The following PCOLCE2 variants were observed in gnomAD, a reference collection of about 807,000 sequenced individuals.
PCOLCE2 encodes the protein procollagen C-proteinase enhancer 2.
A neutral mutation model predicts 47.0 loss-of-function variants in PCOLCE2; 42 were observed. The observed-to-expected ratio is 0.89, with a 90% CI of 0.70 to 1.16. The LOEUF (loss-of-function observed/expected upper bound fraction) is 1.16. Ranked by LOEUF, PCOLCE2 falls within the 50% of genes most tolerant of loss-of-function variation. PCOLCE2 has a pLI of 0.00. For synonymous variants in PCOLCE2, 169 were observed against 191.7 expected, an observed-to-expected ratio of 0.88 and a Z score of 0.98; for missense variants, 500 against 526.1, an observed-to-expected ratio of 0.95 and a Z score of 0.49.
Position 142,848,404 on chromosome 3 carries a change from G to C in PCOLCE2, c.261C>G (p.Arg87=), listed in dbSNP as rs2108197405. Reference sequence around the variant, plus strand: ...CATTGTACACATCCACAAAGTCATAGCGGCACAGGTTGTCACTCTCGAGGT... The same window carrying C: ...CATTGTACACATCCACAAAGTCATACCGGCACAGGTTGTCACTCTCGAGGT... The part of the protein sequence containing the change: ...FIDLESDNLC[R]YDFVDVYNGH... The change falls in exon 3 of 9, where the codon CGC becomes CGG. Residue 87 remains arginine (R), a synonymous_variant. Coordinates refer to ENST00000295992, the MANE Select transcript of PCOLCE2 (RefSeq NM_013363.4). 2 of 1,613,860 alleles carry C rather than the reference G, an allele frequency of 1.2e-6. No individual in the cohort carries two copies. The highest frequency in any genetic ancestry group is 4.5e-5 in the East Asian group (2 of 44,866).
intron 5 of PCOLCE2, among the ~76,000 whole-genome samples, chr3:142,832,435 A>G (rs1937160917): frequency 6.6e-6 from 1 of 152,106 alleles, no homozygotes; most frequent in South Asian, 2.1e-4. Context: ...CAGAAATAAC[A>G]CACATCTCTC....
intron 3 of PCOLCE2, among the ~76,000 whole-genome samples, chr3:142,843,997 C>T (rs1227980915): frequency 6.6e-6 from 1 of 152,120 alleles, no homozygotes; most frequent in East Asian, 1.9e-4. Flanking sequence ...TACCCAGTTA[C>T]AATAATAGTC....
chr3:142,869,255 C>T (rs1197476111), intron 2 of PCOLCE2, among the ~76,000 whole-genome samples: 38 of 151,650 alleles, frequency 2.5e-4, no homozygotes, highest in Non-Finnish European at 5.9e-5. Flanking sequence ...CGCGCCACTA[C>T]GCTCCAGCCT....
chr3:142,862,466 C>A (rs1933197992), intron 2 of PCOLCE2, among the ~76,000 whole-genome samples: 1 of 152,156 alleles, frequency 6.6e-6, no homozygotes, highest in South Asian at 2.1e-4. Context: ...GTTCCAATTC[C>A]ATTTTTCCTG....
chr3:142,862,117 C>T (rs896476116), intron 2 of PCOLCE2, among the ~76,000 whole-genome samples: 1 of 152,122 alleles, frequency 6.6e-6, no homozygotes, highest in East Asian at 1.9e-4. Flanking sequence ...CCCTGCCAGG[C>T]TGGAGGGAGA....
chr3:142,852,294 C>T (rs1263522686), intron 2 of PCOLCE2, among the ~76,000 whole-genome samples: 2 of 152,032 alleles, frequency 1.3e-5, no homozygotes, highest in Non-Finnish European at 2.9e-5. Context: ...GATAAGAGCT[C>T]CTGATTGTCA....
intron 4 of PCOLCE2, among the ~76,000 whole-genome samples, chr3:142,841,735 AAAAAAAGAAATAC>A (rs1344506755): frequency 5.9e-5 from 9 of 152,144 alleles, no homozygotes; most frequent in African/African-American, 1.9e-4. Flanking sequence ...AATTTTCTAT[AAAAAAAGAAATAC>A]ATGACAAATG....
intron 1 of PCOLCE2, 35 bp downstream of exon 1, chr3:142,888,779 G>A (rs1345748391): frequency 8.4e-6 from 11 of 1,306,938 alleles, no homozygotes; most frequent in Admixed American, 2.8e-5. Context: ...GGAAGGGAAA[G>A]GAGAGAAAGG....
intron 7 of PCOLCE2, among the ~76,000 whole-genome samples, chr3:142,822,525 C>T (rs1937027018): frequency 6.6e-6 from 1 of 152,092 alleles, no homozygotes; most frequent in Admixed American, 6.5e-5. Flanking sequence ...TACTTTGATC[C>T]TGCGTGATAA....
Position 142,848,455 on chromosome 3 carries a change from T to C in PCOLCE2, c.210A>G (p.Val70=). The C allele has an allele frequency of 6.3e-7, 1 of 1,596,842 alleles. No homozygotes were observed. The highest frequency in any genetic ancestry group is 1.1e-5 in the South Asian group (1 of 90,374). The change falls in exon 3 of 9, where the codon GTA becomes GTG. Residue 70 remains valine (V), a synonymous_variant. Coordinates refer to ENST00000295992, the MANE Select transcript of PCOLCE2 (RefSeq NM_013363.4). ...CTATGAATCGGAAATTGAGAACGACTACTTTTCCTTCGGGAACCTGCCAAG... is the reference window on the plus strand; with the variant it reads ...CTATGAATCGGAAATTGAGAACGACCACTTTTCCTTCGGGAACCTGCCAAG... ...TWKITVPEGK[V]VVLNFRFIDL... is the part of the protein sequence containing the mutation.
chr3:142,832,559 C>T (rs1216455117), intron 5 of PCOLCE2, among the ~76,000 whole-genome samples: 2 of 152,216 alleles, frequency 1.3e-5, no homozygotes, highest in African/African-American at 4.8e-5. Flanking sequence ...AATCTCCTTT[C>T]AAAAGCTTTC....
intron 2 of PCOLCE2, among the ~76,000 whole-genome samples, chr3:142,867,227 T>C (rs1933304240): frequency 6.6e-6 from 1 of 152,152 alleles, no homozygotes; most frequent in Non-Finnish European, 1.5e-5. Flanking sequence ...TCTTGCCTAT[T>C]AAACTCTCTG....
intron 3 of PCOLCE2, 167 bp from the exon 4 acceptor site, chr3:142,843,215 C>T: frequency 1.4e-6 from 1 of 705,534 alleles, no homozygotes; most frequent in Non-Finnish European, 2.6e-6. Flanking sequence ...ACATAACCCC[C>T]CAACACACAC....
chr3:142,839,769 CATATAA>C (rs1937245502), intron 4 of PCOLCE2, among the ~76,000 whole-genome samples: 3 of 152,172 alleles, frequency 2.0e-5, no homozygotes, highest in South Asian at 2.1e-4. Context: ...ATATGTTGCA[CATATAA>C]ATATAATTTT....
At chr3:142,853,521 T>C (rs1932996053) in intron 2 of PCOLCE2, among the ~76,000 whole-genome samples, 1 of 152,178 alleles carries the variant, frequency 6.6e-6, no homozygotes, top group Non-Finnish European at 1.5e-5. Context: ...ACATCAAAAA[T>C]ATTTGTTAAA....
At chr3:142,854,308 T>TCTA (rs1221231727) in intron 2 of PCOLCE2, among the ~76,000 whole-genome samples, 1 of 151,788 alleles carries the variant, frequency 6.6e-6, no homozygotes, top group Non-Finnish European at 1.5e-5. Context: ...CCACAGTTGA[T>TCTA]CTACGTAAAG....
At chr3:142,880,305 C>T (rs1277087513) in intron 2 of PCOLCE2, among the ~76,000 whole-genome samples, 1 of 151,076 alleles carries the variant, frequency 6.6e-6, no homozygotes, top group Admixed American at 6.6e-5. Flanking sequence ...ATCCTACGTG[C>T]AGTTTAAAGC....
chr3:142,819,916 A>T (rs1306372613), intron 8 of PCOLCE2, among the ~76,000 whole-genome samples: 3 of 152,064 alleles, frequency 2.0e-5, no homozygotes, highest in Non-Finnish European at 4.4e-5. Context: ...AAGTGCTGGG[A>T]CAGTAAAGCT....
chr3:142,883,544 G>A (rs1578053305), intron 2 of PCOLCE2, among the ~76,000 whole-genome samples: 1 of 151,346 alleles, frequency 6.6e-6, no homozygotes, highest in African/African-American at 2.4e-5. Flanking sequence ...CTCAGCCTCC[G>A]AGTAGCTGGG....
Sources: gnomAD v4.1 joint callset for allele counts (sites outside exome capture counted in the v4.1 genomes callset) on GRCh38, gnomAD v4.1.1 for gene constraint, MANE v1.5 for transcripts, NCBI Gene and HGNC (gene_info 2026-07-23, HGNC 2026-07-21) for gene names.